The following ZNF594 variants were observed in gnomAD, a reference collection of about 807,000 sequenced individuals.
ZNF594 encodes zinc finger protein 594.
For synonymous variants in ZNF594, 336 were observed against 309.4 expected (o/e 1.09, Z -0.90); for missense variants, 1,037 against 964.6 (o/e 1.08, Z -0.99).
chr17:5,183,457 T>G lies in ZNF594; in HGVS notation c.800A>C (p.Tyr267Ser), dbSNP rs757735652. 10 of 1,613,946 alleles carry G rather than the reference T, an allele frequency of 6.2e-6. No homozygotes were observed. The African/African-American group carries it at 1.3e-4, about 22-fold the overall frequency. Residue 267 changes from tyrosine (Y) to serine (S), a missense_variant, in exon 2 of 2, where the codon TAT becomes TCT. By Grantham distance (144) the Tyr-to-Ser change is moderately radical (BLOSUM62 -2). Coordinates refer to ENST00000575779, the MANE Select transcript of ZNF594 (RefSeq NM_032530.2). ...HHRIHTGEKP[Y>S]ECYDCGQMFS... The stretch of plus-strand genomic sequence containing the variant: ...CATCTGTCCACAGTCATAACATTCA[T>G]AGGGTTTCTCTCCAGTGTGAATTCT...
chr17:5,181,797 T>G lies in ZNF594; in HGVS notation c.*36A>C. On this transcript the variant is annotated 3_prime_UTR_variant, in exon 2 of 2. Coordinates refer to ENST00000575779, the MANE Select transcript of ZNF594 (RefSeq NM_032530.2). ...GCTGCTCCTAAAAGATTCCCCACATTTATTGCATACGTAAGGTTTTTCTCC... is the reference window on the plus strand; with the variant it reads ...GCTGCTCCTAAAAGATTCCCCACATGTATTGCATACGTAAGGTTTTTCTCC... The G allele has an allele frequency of 6.2e-7, 1 of 1,613,622 alleles. No homozygotes were observed. Among genetic ancestry groups the G allele is most frequent in the African/African-American group, 1.3e-5 (1 of 74,930 alleles).
chr17:5,187,905 T>TG (rs1555610759), intron 1 of ZNF594, among the ~76,000 whole-genome samples: 1 of 148,858 alleles, frequency 6.7e-6, no homozygotes, highest in Non-Finnish European at 1.5e-5. Context: ...TTTTTTTTTT[T>TG]AGAGATATGG....
At chr17:5,176,171 G>A (rs899358405), downstream of ZNF594, among the ~76,000 whole-genome samples, 2 of 152,120 alleles carry the variant, frequency 1.3e-5, no homozygotes, top group Admixed American at 6.5e-5. Context: ...CAAGGCAGGC[G>A]GATCACCTAA....
Position 5,181,211 on chromosome 17 carries a change from C to T in ZNF594, c.*622G>A. On this transcript the variant is annotated 3_prime_UTR_variant, in exon 2 of 2. Transcript: ENST00000575779. ...GATCTGAGCTGCCCCTAAAAGATTT[C>T]CCACATTTGTTGCATACATAAGGTT... 1 of 1,611,814 alleles carries T rather than the reference C, an allele frequency of 6.2e-7. No homozygotes were observed. The highest frequency in any genetic ancestry group is 1.3e-5 in the African/African-American group (1 of 74,980).
At chr17:5,186,452 T>A (rs374459664) in intron 1 of ZNF594, among the ~76,000 whole-genome samples, 148 of 152,304 alleles carry the variant, frequency 9.7e-4, no homozygotes, top group Middle Eastern at 3.4e-3. Context: ...AAAACCATTT[T>A]CTCCTAGGCC....
chr17:5,179,185 T>G (rs1489034493), downstream of ZNF594, among the ~76,000 whole-genome samples: 2 of 149,396 alleles, frequency 1.3e-5, no homozygotes, highest in Non-Finnish European at 3.0e-5. Flanking sequence ...TCCTGGCCCC[T>G]GCACACACTT....
Position 5,182,538 on chromosome 17 carries a change from A to G in ZNF594, c.1719T>C (p.Cys573=). 6.2e-7 allele frequency: 1 copy of G among 1,613,942 alleles called. No individual in the cohort carries two copies. Among genetic ancestry groups the G allele is most frequent in the Non-Finnish European group, 8.5e-7 (1 of 1,180,008 alleles). Residue 573 remains cysteine, a synonymous_variant, in exon 2 of 2, where the codon TGT becomes TGC. Coordinates refer to ENST00000575779, the MANE Select transcript of ZNF594 (RefSeq NM_032530.2). ...QEAKAYWCNQ[C]GRAFQGSSDL... is the part of the protein sequence containing the mutation. ...CTGAGCTGCCCTGGAAAGCCCTACCACACTGATTACACCAATAAGCTTTCG... is the reference window on the plus strand; with the variant it reads ...CTGAGCTGCCCTGGAAAGCCCTACCGCACTGATTACACCAATAAGCTTTCG...
At chr17:5,185,624 CA>C (rs1288655692) in intron 1 of ZNF594, among the ~76,000 whole-genome samples, 2 of 152,110 alleles carry the variant, frequency 1.3e-5, no homozygotes, top group African/African-American at 4.8e-5. Flanking sequence ...AGCATTAACC[CA>C]AAAGTCCACA....
At position 5,181,074 on chromosome 17, in the gene ZNF594, C is replaced by T. The variant is rs1318640629; in HGVS notation, c.*759G>A. On this transcript the variant is annotated 3_prime_UTR_variant, in exon 2 of 2. Coordinates refer to ENST00000575779, the MANE Select transcript of ZNF594 (RefSeq NM_032530.2). ...GTTGCTACATTCAAAGGGTTTCTCTCTGGTATGAATTCTTTGATGACTGAC... is the reference window on the plus strand; with the variant it reads ...GTTGCTACATTCAAAGGGTTTCTCTTTGGTATGAATTCTTTGATGACTGAC... The T allele has an allele frequency of 7.3e-7, 1 of 1,367,086 alleles. No individual in the cohort carries two copies. Among genetic ancestry groups the T allele is most frequent in the Non-Finnish European group, 1.0e-6 (1 of 966,226 alleles). The allele number at this position is 1,367,086 out of a possible 1,614,324, so 84.7% of individuals were successfully genotyped here.
At chr17:5,186,954 C>G (rs1394158640) in intron 1 of ZNF594, among the ~76,000 whole-genome samples, 1 of 152,232 alleles carries the variant, frequency 6.6e-6, no homozygotes, top group Non-Finnish European at 1.5e-5. Flanking sequence ...CAACAAGTCT[C>G]TAGAAGTTCC....
rs531447240 is a variant in ZNF594, at chr17:5,189,186, T to A, written c.-21+2562A>T. Reference sequence around the variant, plus strand: ...GTCTTGAACTCCTGGCTTCAAGTGATCCTCCCACCTTGGCCTCCCAAAGTG... The same window carrying A: ...GTCTTGAACTCCTGGCTTCAAGTGAACCTCCCACCTTGGCCTCCCAAAGTG... On this transcript the variant is annotated intron_variant, in intron 1 of 1. Coordinates refer to ENST00000575779, the MANE Select transcript of ZNF594 (RefSeq NM_032530.2). Among the ~76,000 whole-genome samples the A allele has an allele frequency of 2.6e-5, 4 of 151,646 alleles. No individual in the cohort carries two copies. The East Asian group carries it at 7.7e-4, about 29-fold the overall frequency.
At chr17:5,174,102 GTTTT>G in the ZNF594 span, 20 of 203,464 alleles carry the variant, frequency 9.8e-5, no homozygotes, top group Non-Finnish European at 1.7e-4. Context: ...ATGTCCACTG[GTTTT>G]TTTATTTTGA....
chr17:5,184,891 G>C (rs1018165519), intron 1 of ZNF594, among the ~76,000 whole-genome samples: 1 of 152,122 alleles, frequency 6.6e-6, no homozygotes, highest in African/African-American at 2.4e-5. Context: ...GGGTGGATCT[G>C]GAGTTGAGAG....
rs1210972918 is a variant in ZNF594, at chr17:5,179,826, C to T, written c.*2007G>A. 1.3e-5 allele frequency: 2 copies of T among 152,064 alleles called. No homozygotes were observed. The highest frequency in any genetic ancestry group is 6.6e-5 in the Admixed American group (1 of 15,264). 9.4% of individuals were successfully genotyped at this position (152,064 alleles called of 1,614,324 possible). ...CTGCCTACATGGTGCCAGTCAGAAG[C>T]ATGATTTGTGTTGTACATGCCTTTA... On this transcript the variant is annotated 3_prime_UTR_variant, in exon 2 of 2. Transcript: ENST00000575779.
chr17:5,184,723 A>G (rs963567976), intron 1 of ZNF594, among the ~76,000 whole-genome samples: 1 of 152,184 alleles, frequency 6.6e-6, no homozygotes, highest in Non-Finnish European at 1.5e-5. Flanking sequence ...TAAATAAATA[A>G]AAATAGAACA....
chr17:5,175,533 AGTGACCAG>A (rs1435833047), downstream of ZNF594, among the ~76,000 whole-genome samples: 2 of 152,318 alleles, frequency 1.3e-5, no homozygotes, highest in Admixed American at 6.5e-5. Context: ...AGATCTCTCC[AGTGACCAG>A]GTGACTTTAA....
intron 1 of ZNF594, among the ~76,000 whole-genome samples, chr17:5,187,676 G>A (rs1053837401): frequency 3.9e-5 from 6 of 152,098 alleles, no homozygotes; most frequent in Admixed American, 6.6e-5. Context: ...CCCTAGCTTC[G>A]TCATCTATAA....
chr17:5,186,029 G>T (rs2074384329), intron 1 of ZNF594, among the ~76,000 whole-genome samples: 1 of 152,122 alleles, frequency 6.6e-6, no homozygotes, highest in African/African-American at 2.4e-5. Flanking sequence ...AGCTGTAGGT[G>T]GATCTACCAT....
chr17:5,182,373 T>A lies in ZNF594; in HGVS notation c.1884A>T (p.Lys628Asn), dbSNP rs1183814961. 3.7e-6 allele frequency: 6 copies of A among 1,613,396 alleles called. 1 individual carries two copies. In the African/African-American group the frequency reaches 6.7e-5, roughly 18 times the overall value. ...HSGEKPYVCN[K>N]CGKSFRGSSD... ...AGCTACCCCTAAAAGATTTCCCACA[T>A]TTGTTGCATACATAAGGTTTTTCTC... Residue 628 changes from lysine to asparagine, a missense_variant, in exon 2 of 2, where the codon AAA (lysine) becomes AAT (asparagine). By Grantham distance (94) the Lys-to-Asn change is moderately conservative. Coordinates refer to ENST00000575779, the MANE Select transcript of ZNF594 (RefSeq NM_032530.2).
Sources: allele counts gnomAD v4.1 joint callset (sites outside exome capture counted in the v4.1 genomes callset), GRCh38; gene constraint gnomAD v4.1.1; transcripts MANE v1.5; gene names NCBI Gene and HGNC (gene_info 2026-07-23, HGNC 2026-07-21).